Variants in COL9A1 observed in about 807,000 individuals in gnomAD.
COL9A1 encodes collagen type IX alpha 1 chain, also known as collagen alpha-1(IX) chain.
Under a neutral mutation model 142.6 loss-of-function variants are expected in COL9A1, and 104 were observed. That is an observed-to-expected ratio of 0.73 (90% CI 0.62 to 0.86). The LOEUF (loss-of-function observed/expected upper bound fraction) is 0.86. Ranked by LOEUF, COL9A1 falls within the 40% of genes least tolerant of loss-of-function variation. COL9A1 has a pLI of 0.00. For missense variants in COL9A1, 1,210 were observed against 1,176.6 expected (o/e 1.03, Z -0.42); for synonymous variants, 466 against 396.0 (o/e 1.18, Z -2.10).
chr6:70,278,474 T>G (rs1220038031), intron 10 of COL9A1, among the ~76,000 whole-genome samples: 2 of 152,252 alleles, frequency 1.3e-5, no homozygotes, highest in Non-Finnish European at 2.9e-5. Context: ...TTTGTGGCAG[T>G]GCTTGAGGAA....
At chr6:70,253,079 T>C (rs907352071) in intron 26 of COL9A1, among the ~76,000 whole-genome samples, 1 of 152,216 alleles carries the variant, frequency 6.6e-6, no homozygotes, top group Non-Finnish European at 1.5e-5. Context: ...GTCTCTGACA[T>C]AAGTTCTGTG....
At chr6:70,302,790 CTG>C in intron 1 of COL9A1, 119 bp downstream of exon 1, 3 of 1,100,848 alleles carry the variant, frequency 2.7e-6, no homozygotes, top group Non-Finnish European at 4.2e-6. Context: ...GTCTCTCTTT[CTG>C]TCTCTCACCT....
At chr6:70,285,299 C>G in intron 5 of COL9A1, among the ~76,000 whole-genome samples, 1 of 152,198 alleles carries the variant, frequency 6.6e-6, no homozygotes, top group East Asian at 1.9e-4. Flanking sequence ...TCTGCGCATC[C>G]ACATAAACAT....
Position 70,240,991 on chromosome 6 carries a change from A to G in COL9A1, c.2035-258T>C, listed in dbSNP as rs568446706. 9.8e-5 allele frequency among the ~76,000 whole-genome samples: 15 copies of G among 152,338 alleles called. No individual in the cohort carries two copies. In the South Asian group the frequency reaches 2.9e-3, roughly 29 times the overall value. On this transcript the variant is annotated intron_variant, in intron 31 of 37. Coordinates refer to ENST00000357250, the MANE Select transcript of COL9A1 (RefSeq NM_001851.6). Reference sequence around the variant, plus strand: ...AATGACCATATTCAACAATTTTATAATTGGCCCTTGAAATAGGGAATCTAC... The same window carrying G: ...AATGACCATATTCAACAATTTTATAGTTGGCCCTTGAAATAGGGAATCTAC...
intron 37 of COL9A1, among the ~76,000 whole-genome samples, chr6:70,217,385 T>C (rs1396981427): frequency 6.6e-6 from 1 of 152,112 alleles, no homozygotes; most frequent in African/African-American, 2.4e-5. Context: ...TATTGAGAGC[T>C]GAAATGTGAT....
At chr6:70,273,395 A>C (rs1772530417) in intron 12 of COL9A1, among the ~76,000 whole-genome samples, 1 of 152,198 alleles carries the variant, frequency 6.6e-6, no homozygotes, top group African/African-American at 2.4e-5. Flanking sequence ...CACTTCTGAA[A>C]ATAGGCTTAT....
At chr6:70,271,486 C>T (rs948916618) in intron 14 of COL9A1, among the ~76,000 whole-genome samples, 169 bp downstream of exon 14, 1 of 152,140 alleles carries the variant, frequency 6.6e-6, no homozygotes, top group Non-Finnish European at 1.5e-5. Context: ...AATCACTCTG[C>T]AAAAATTATT....
chr6:70,280,994 A>G lies in COL9A1; in HGVS notation c.912+10T>C. 6.2e-7 allele frequency: 1 copy of G among 1,613,472 alleles called. No homozygotes were observed. On this transcript the variant is annotated intron_variant, in intron 9 of 37. Transcript: ENST00000357250. ...AGGAAGTGGAGCGCCATATGCTCCA[A>G]TCAACTTACCGGGGGGCCCGGGGGG... is the stretch of plus-strand genomic sequence containing the variant.
intron 5 of COL9A1, among the ~76,000 whole-genome samples, chr6:70,284,677 A>G (rs1368907634): frequency 2.6e-5 from 4 of 152,214 alleles, no homozygotes; most frequent in Non-Finnish European, 4.4e-5. Flanking sequence ...GTCATATCCC[A>G]TAGGAAGCCT....
At chr6:70,255,239 T>C in intron 22 of COL9A1, 36 bp from the exon 23 acceptor site, 4 of 1,612,554 alleles carry the variant, frequency 2.5e-6, no homozygotes, top group African/African-American at 1.3e-5. Flanking sequence ...ACAAGACATG[T>C]TCAGTTAACA....
At chr6:70,266,593 A>G (rs1332028096) in intron 18 of COL9A1, 124 bp downstream of exon 18, 1 of 825,108 alleles carries the variant, frequency 1.2e-6, no homozygotes, top group African/African-American at 1.7e-5. Flanking sequence ...CTTATCAATC[A>G]TTATTTAAAA....
At chr6:70,252,375 T>A in intron 26 of COL9A1, 60 bp from the exon 27 acceptor site, 1 of 1,463,308 alleles carries the variant, frequency 6.8e-7, no homozygotes, top group Non-Finnish European at 9.6e-7. Context: ...ATCATCAATC[T>A]GCCTTACCCA....
intron 5 of COL9A1, among the ~76,000 whole-genome samples, chr6:70,287,283 C>T (rs182846569): frequency 1.3e-5 from 2 of 151,964 alleles, no homozygotes; most frequent in Non-Finnish European, 2.9e-5. Context: ...TTTTTTTTCA[C>T]CTTGACTTCA....
At chr6:70,256,850 A>G (rs1260656654) in intron 20 of COL9A1, 29 bp from the exon 21 acceptor site, 2 of 1,609,214 alleles carry the variant, frequency 1.2e-6, no homozygotes, top group Admixed American at 1.7e-5. Context: ...ATGGAAAAAA[A>G]CTGAGATCAG....
In COL9A1 at chr6:70,254,580, T is replaced by G. The variant is rs371926831; in HGVS notation, c.1666-51A>C. 397 of 1,564,728 alleles carry G rather than the reference T, an allele frequency of 2.5e-4. 1 individual carries two copies. The highest frequency in any genetic ancestry group is 6.7e-5 in the Admixed American group (4 of 59,906). On this transcript the variant is annotated intron_variant, in intron 24 of 37. Transcript: ENST00000357250. ...ATTGAACCTGTATGAGCTGCTGTAT[T>G]TCTTTTAAGAAACGGAGGAGCACAG...
intron 12 of COL9A1, 92 bp from the exon 13 acceptor site, chr6:70,272,180 A>G (rs1198708920): frequency 2.6e-5 from 26 of 1,013,832 alleles, no homozygotes; most frequent in Non-Finnish European, 3.9e-5. Flanking sequence ...TAAACCATAA[A>G]CTCTATTACT....
intron 33 of COL9A1, among the ~76,000 whole-genome samples, chr6:70,236,823 CTTTTTTT>C (rs1238451064): frequency 1.4e-5 from 2 of 146,246 alleles, no homozygotes; most frequent in Admixed American, 6.9e-5. Context: ...GTAACAACTT[CTTTTTTT>C]TTTTTTTTGA....
Position 70,302,031 on chromosome 6 carries a change from A to G in COL9A1, c.58T>C (p.Trp20Arg), listed in dbSNP as rs1484088078. Reference sequence around the variant, plus strand: ...CGACGCTTGACAGCTGCAGATGCCCAGGGTTCCAGGAAACTGCACACAAAG... The same window carrying G: ...CGACGCTTGACAGCTGCAGATGCCCGGGGTTCCAGGAAACTGCACACAAAG... ...FFFVCSFLEP[W>R]ASAAVKRRPR... is the part of the protein sequence containing the mutation. The change falls in exon 2 of 38, where the codon TGG becomes CGG. Residue 20 changes from tryptophan (W) to arginine (R), a missense_variant. Coordinates refer to ENST00000357250, the MANE Select transcript of COL9A1 (RefSeq NM_001851.6). 2.5e-6 allele frequency: 4 copies of G among 1,611,852 alleles called. No homozygotes were observed. In the African/African-American group the frequency reaches 5.3e-5, roughly 22 times the overall value.
At chr6:70,283,053 G>C (rs1473918291) in intron 6 of COL9A1, 135 bp from the exon 7 acceptor site, 2 of 1,539,600 alleles carry the variant, frequency 1.3e-6, no homozygotes, top group Admixed American at 2.0e-5. Context: ...TCCAGGCCAT[G>C]CCCGCCGCCC....
Sources: gnomAD v4.1 joint callset for allele counts (sites outside exome capture counted in the v4.1 genomes callset) on GRCh38, gnomAD v4.1.1 for gene constraint, MANE v1.5 for transcripts, NCBI Gene and HGNC (gene_info 2026-07-23, HGNC 2026-07-21) for gene names.